SUGCT: variants seen among roughly 807,000 people sequenced by gnomAD.
SUGCT encodes the protein succinyl-CoA:glutarate CoA-transferase.
Under a neutral mutation model 55.0 loss-of-function variants are expected in SUGCT, and 41 were observed. The observed-to-expected ratio is 0.74, with a 90% confidence interval of 0.58 to 0.97. SUGCT has a LOEUF of 0.97. Among genes scored for constraint, SUGCT ranks in the 50% least tolerant of loss-of-function variants. The probability of loss-of-function intolerance (pLI) is 0.00; values close to 1 mark genes in which losing one functional copy is unlikely to be tolerated. For synonymous variants in SUGCT, 187 were observed against 200.4 expected (o/e 0.93, Z 0.56); for missense variants, 568 against 547.8 (o/e 1.04, Z -0.37).
intron 3 of SUGCT, among the ~76,000 whole-genome samples, chr7:40,185,260 T>C (rs928556161): frequency 5.3e-5 from 8 of 152,220 alleles, no homozygotes; most frequent in African/African-American, 1.7e-4. Flanking sequence ...CAACCATTGG[T>C]TTTCTTGCAT....
intron 1 of SUGCT, among the ~76,000 whole-genome samples, chr7:40,142,415 C>G (rs1004231587): frequency 5.9e-5 from 9 of 151,972 alleles, no homozygotes; most frequent in Non-Finnish European, 1.2e-4. Context: ...CTTAGTTGTT[C>G]TACAGATTTT....
chr7:40,881,003 C>T, the SUGCT span, among the ~76,000 whole-genome samples: 1 of 152,214 alleles, frequency 6.6e-6, no homozygotes, highest in African/African-American at 2.4e-5. Flanking sequence ...ATATGTGTCT[C>T]ACACCAATGT....
chr7:40,292,621 C>G (rs1188603610), intron 8 of SUGCT, among the ~76,000 whole-genome samples: 1 of 152,094 alleles, frequency 6.6e-6, no homozygotes, highest in African/African-American at 2.4e-5. Context: ...AGTACATTCT[C>G]CTTTTGCCTT....
Position 40,182,082 on chromosome 7 carries a change from A to G in SUGCT, c.226+54A>G. ...GAAACAAGCTAATAAATATTTTAAA[A>G]TAATTCTCTAAATACCCATGTTTAG... On this transcript the variant is annotated intron_variant, in intron 3 of 13. Transcript: ENST00000335693. 3 of 1,048,408 alleles carry G rather than the reference A, an allele frequency of 2.9e-6. No homozygotes were observed. In the South Asian group the frequency reaches 4.4e-5, roughly 15 times the overall value. 64.9% of individuals were successfully genotyped at this position (1,048,408 alleles called of 1,614,324 possible).
the SUGCT span, among the ~76,000 whole-genome samples, chr7:40,999,305 C>T: frequency 1.3e-5 from 2 of 151,782 alleles, no homozygotes; most frequent in Admixed American, 1.3e-4. Context: ...ACTTGACAAA[C>T]ATCAGCCTTG....
At chr7:40,992,059 A>G in the SUGCT span, among the ~76,000 whole-genome samples, 1 of 152,114 alleles carries the variant, frequency 6.6e-6, no homozygotes, top group African/African-American at 2.4e-5. Flanking sequence ...GTAAAGGAAT[A>G]AAGAATGGCT....
the SUGCT span, among the ~76,000 whole-genome samples, chr7:40,902,362 G>A: frequency 6.6e-6 from 1 of 151,934 alleles, no homozygotes; most frequent in Admixed American, 6.6e-5. Flanking sequence ...GGTGGATCAC[G>A]AGGTCCGGAG....
intron 9 of SUGCT, among the ~76,000 whole-genome samples, chr7:40,399,429 T>C (rs1248247165): frequency 6.6e-6 from 1 of 152,190 alleles, no homozygotes; most frequent in Non-Finnish European, 1.5e-5. Flanking sequence ...TTTATGTAAC[T>C]AGGAGGTCCA....
chr7:40,299,865 A>G (rs541597356), intron 8 of SUGCT, among the ~76,000 whole-genome samples: 1 of 152,302 alleles, frequency 6.6e-6, no homozygotes, highest in East Asian at 1.9e-4. Context: ...ATTGCTATCA[A>G]CAGTGTTTTA....
At chr7:40,884,381 G>A in the SUGCT span, among the ~76,000 whole-genome samples, 1 of 152,194 alleles carries the variant, frequency 6.6e-6, no homozygotes, top group Non-Finnish European at 1.5e-5. Context: ...ATAACCCTCT[G>A]GTGAGGGAAC....
At chr7:40,638,989 T>C (rs1800142880) in intron 12 of SUGCT, among the ~76,000 whole-genome samples, 1 of 152,232 alleles carries the variant, frequency 6.6e-6, no homozygotes, top group African/African-American at 2.4e-5. Context: ...TGGAAAACAC[T>C]TTATTTAAAT....
intron 1 of SUGCT, among the ~76,000 whole-genome samples, chr7:40,167,769 C>T (rs187285415): frequency 3.9e-5 from 6 of 152,284 alleles, no homozygotes; most frequent in Non-Finnish European, 8.8e-5. Context: ...AGAAACACAG[C>T]GGACACCCTG....
chr7:40,874,751 G>T, the SUGCT span, among the ~76,000 whole-genome samples: 1 of 152,210 alleles, frequency 6.6e-6, no homozygotes, highest in Non-Finnish European at 1.5e-5. Flanking sequence ...GCAGGAGCCT[G>T]AGAAGCCACC....
intron 13 of SUGCT, among the ~76,000 whole-genome samples, chr7:40,786,376 T>A (rs997268809): frequency 6.6e-6 from 1 of 152,230 alleles, no homozygotes; most frequent in African/African-American, 2.4e-5. Flanking sequence ...ATATATTCAA[T>A]GTAACACTTT....
rs558602586 is a variant in SUGCT, at chr7:40,367,692, A to G, written c.816+50837A>G. On this transcript the variant is annotated intron_variant, in intron 9 of 13. Transcript: ENST00000335693. ...AAGGCAAACACATCTGTCCTCATCT[A>G]TCAAATCTCTCTTCTTATTTCCTCT... is the stretch of plus-strand genomic sequence containing the variant. 2.7e-3 allele frequency among the ~76,000 whole-genome samples: 417 copies of G among 152,248 alleles called. 2 individuals carry two copies. The highest frequency in any genetic ancestry group is 9.6e-3 in the African/African-American group (397 of 41,548).
the SUGCT span, among the ~76,000 whole-genome samples, chr7:40,956,728 C>T: frequency 2.0e-4 from 31 of 152,268 alleles, no homozygotes; most frequent in African/African-American, 7.5e-4. Flanking sequence ...AATTTTAGAT[C>T]TTTCCTGGTT....
Position 40,373,851 on chromosome 7 carries a change from T to TAA in SUGCT, c.816+56997_816+56998insAA, listed in dbSNP as rs1197270993. On this transcript the variant is annotated intron_variant, in intron 9 of 13. Coordinates refer to ENST00000335693, the MANE Select transcript of SUGCT (RefSeq NM_001193313.2). ...CTGTAAGAATGTTTCAAATGCTTTATAGTAAAAAAGTGCAAGTTGAATTCA... is the reference window on the plus strand; with the variant it reads ...CTGTAAGAATGTTTCAAATGCTTTATAAAGTAAAAAAGTGCAAGTTGAATTCA... 1.3e-4 allele frequency among the ~76,000 whole-genome samples: 20 copies of TAA among 152,274 alleles called. No individual in the cohort carries two copies. In the East Asian group the frequency reaches 3.1e-3, roughly 23 times the overall value.
chr7:40,751,707 A>G (rs925554783), intron 13 of SUGCT, among the ~76,000 whole-genome samples: 39 of 152,180 alleles, frequency 2.6e-4, no homozygotes, highest in African/African-American at 9.2e-4. Context: ...TGGGCCCTGA[A>G]GAACCAGTGA....
intron 12 of SUGCT, among the ~76,000 whole-genome samples, chr7:40,707,719 A>G (rs189738504): frequency 5.3e-5 from 8 of 152,330 alleles, no homozygotes; most frequent in Middle Eastern, 3.4e-3. Flanking sequence ...AACCATCAAC[A>G]TCAGGAAACT....
Sources: gnomAD v4.1 joint callset for allele counts (sites outside exome capture counted in the v4.1 genomes callset) on GRCh38, gnomAD v4.1.1 for gene constraint, MANE v1.5 for transcripts, NCBI Gene and HGNC (gene_info 2026-07-23, HGNC 2026-07-21) for gene names.